The following ZFYVE9 variants were observed in gnomAD, a reference collection of about 807,000 sequenced individuals.
ZFYVE9 encodes the protein zinc finger FYVE domain-containing protein 9.
Under a neutral mutation model 126.7 loss-of-function variants are expected in ZFYVE9, and 43 were observed. The observed-to-expected ratio is 0.34, with a 90% CI of 0.27 to 0.44. The LOEUF (loss-of-function observed/expected upper bound fraction) is 0.44, where lower values mean the gene tolerates loss of function less well. Among genes scored for constraint, ZFYVE9 ranks in the 20% least tolerant of loss-of-function variants. The pLI is 1.00. For missense variants in ZFYVE9, 1,476 were observed against 1,697.0 expected, an observed-to-expected ratio of 0.87 and a Z score of 2.29; for synonymous variants, 521 against 597.4, an observed-to-expected ratio of 0.87 and a Z score of 1.87.
In ZFYVE9 at chr1:52,293,496, T is replaced by A; in HGVS notation, c.3069T>A (p.Ser1023Arg). 6.2e-7 allele frequency: 1 copy of A among 1,614,050 alleles called. No individual in the cohort carries two copies. The highest frequency in any genetic ancestry group is 2.2e-5 in the East Asian group (1 of 44,872). The part of the protein sequence containing the change: ...SNLGHSFFSQ[S>R]FLGSKEHGGF... ...TGGGACATTCCTTCTTCAGTCAAAG[T>A]TTCCTTGGCAGTAAAGAACATGGTG... The change falls in exon 11 of 19, where the codon AGT becomes AGA. Residue 1023 changes from serine (S) to arginine (R), a missense_variant. Transcript: ENST00000287727.
In ZFYVE9 at chr1:52,281,793, A is replaced by G. The variant is rs762590343; in HGVS notation, c.3002A>G (p.Gln1001Arg). The part of the protein sequence containing the change: ...LPKDIFNHFV[Q>R]LYRDALAGNV... Reference sequence around the variant, plus strand: ...AAGGATATCTTTAATCACTTTGTGCAGCTTTATCGGGATGCTCTGGCAGGT... The same window carrying G: ...AAGGATATCTTTAATCACTTTGTGCGGCTTTATCGGGATGCTCTGGCAGGT... The change falls in exon 10 of 19, where the codon CAG becomes CGG. Residue 1001 changes from glutamine (Q) to arginine (R), a missense_variant. Transcript: ENST00000287727. 7 of 1,614,212 alleles carry G rather than the reference A, an allele frequency of 4.3e-6. No homozygotes were observed. The highest frequency in any genetic ancestry group is 2.2e-5 in the East Asian group (1 of 44,874).
intron 1 of ZFYVE9, chr1:52,180,672 AT>A (rs1337741368): frequency 7.5e-6 from 3 of 397,748 alleles, no homozygotes; most frequent in Middle Eastern, 7.7e-4. Flanking sequence ...AAATCTTTAC[AT>A]TTTAGAAATA....
chr1:52,344,340 T>C (rs1646466069), intron 17 of ZFYVE9, among the ~76,000 whole-genome samples: 1 of 152,214 alleles, frequency 6.6e-6, no homozygotes, highest in African/African-American at 2.4e-5. Flanking sequence ...TCAATTCCCT[T>C]CTAAGACTAA....
chr1:52,255,964 T>TTTTCTTTC (rs1323951883), intron 4 of ZFYVE9, among the ~76,000 whole-genome samples: 30 of 68,568 alleles, frequency 4.4e-4, no homozygotes, highest in Non-Finnish European at 5.8e-4. Context: ...TTTTCTTTTC[T>TTTTCTTTC]TTTCTTTCTT....
At chr1:52,166,639 G>A (rs930135130) in intron 1 of ZFYVE9, among the ~76,000 whole-genome samples, 1 of 152,128 alleles carries the variant, frequency 6.6e-6, no homozygotes, top group Admixed American at 6.6e-5. Context: ...TTTAGGCTGG[G>A]TGCGGTAGCT....
intron 1 of ZFYVE9, chr1:52,160,303 C>G: frequency 9.6e-7 from 1 of 1,042,946 alleles, no homozygotes; most frequent in South Asian, 1.3e-5. Context: ...CAGAATGCAT[C>G]AGTTCAAAGG....
chr1:52,327,938 C>T (rs969754063), intron 13 of ZFYVE9, among the ~76,000 whole-genome samples: 1 of 151,300 alleles, frequency 6.6e-6, no homozygotes, highest in East Asian at 1.9e-4. Flanking sequence ...CACACCACTG[C>T]ACTCCAGCCT....
At chr1:52,334,621 T>G in intron 14 of ZFYVE9, 67 bp from the exon 15 acceptor site, 1 of 1,509,162 alleles carries the variant, frequency 6.6e-7, no homozygotes, top group Non-Finnish European at 9.1e-7. Flanking sequence ...TCTGAATATT[T>G]TGTTATTATT....
At chr1:52,232,109 G>C (rs182972474) in intron 2 of ZFYVE9, among the ~76,000 whole-genome samples, 200 of 152,196 alleles carry the variant, frequency 1.3e-3, no homozygotes, top group African/African-American at 4.5e-3. Context: ...TTACATTTCT[G>C]ATTTTCTCTG....
Position 52,279,149 on chromosome 1 carries a change from G to A in ZFYVE9, c.2869+535G>A, listed in dbSNP as rs1333539632. Among the ~76,000 whole-genome samples the A allele has an allele frequency of 2.0e-5, 3 of 152,170 alleles. No individual in the cohort carries two copies. The East Asian group carries it at 5.8e-4, about 29-fold the overall frequency. On this transcript the variant is annotated intron_variant, in intron 9 of 18. Coordinates refer to ENST00000287727, the MANE Select transcript of ZFYVE9 (RefSeq NM_004799.4). ...GAAACTCTCACATTTAGTTACAGGG[G>A]TGAGGTAGGTGAATTCTCCATGGAT...
At chr1:52,204,754 G>A (rs1177435997) in intron 1 of ZFYVE9, among the ~76,000 whole-genome samples, 1 of 152,006 alleles carries the variant, frequency 6.6e-6, no homozygotes, top group Non-Finnish European at 1.5e-5. Flanking sequence ...AAAAAGAGTA[G>A]AATGCTCTGG....
intron 1 of ZFYVE9, among the ~76,000 whole-genome samples, chr1:52,146,937 C>T (rs1165317940): frequency 6.6e-6 from 1 of 152,076 alleles, no homozygotes; most frequent in Non-Finnish European, 1.5e-5. Flanking sequence ...TCGAAATGCT[C>T]AAAGGTCCAA....
intron 1 of ZFYVE9, among the ~76,000 whole-genome samples, chr1:52,178,328 G>C (rs1444527485): frequency 1.4e-5 from 2 of 147,194 alleles, no homozygotes; most frequent in African/African-American, 5.1e-5. Flanking sequence ...GCATATTTGG[G>C]CTTTTTTTTT....
chr1:52,344,743 A>G, intron 17 of ZFYVE9, 25 bp from the exon 18 acceptor site: 2 of 1,610,930 alleles, frequency 1.2e-6, no homozygotes, highest in Non-Finnish European at 1.7e-6. Flanking sequence ...CACAAGTTTA[A>G]AAGTCTCTTT....
chr1:52,293,376 CAAAAAAAAAAAA>C (rs376379860), intron 10 of ZFYVE9, 65 bp from the exon 11 acceptor site: 11 of 604,250 alleles, frequency 1.8e-5, no homozygotes, highest in Non-Finnish European at 2.5e-5. Flanking sequence ...GACTCCGTCT[CAAAAAAAAAAAA>C]AAAAAAAAAA....
At position 52,239,680 on chromosome 1, in the gene ZFYVE9, A is replaced by C; in HGVS notation, c.2178+85A>C. 2.1e-6 allele frequency: 3 copies of C among 1,440,234 alleles called. No individual in the cohort carries two copies. In the South Asian group the frequency reaches 4.3e-5, roughly 21 times the overall value. The allele number at this position is 1,440,234 out of a possible 1,614,324, so 89.2% of individuals were successfully genotyped here. A position where few individuals can be genotyped will look rare whatever the true frequency, so the allele number is the denominator to read the frequency against. ...TAGTAATAAAGGCAATGTAAGGTGA[A>C]TATATGTCTGGTTGAGTTGACCTAA... On this transcript the variant is annotated intron_variant, in intron 4 of 18. Transcript: ENST00000287727.
intron 7 of ZFYVE9, among the ~76,000 whole-genome samples, chr1:52,272,671 A>ACCTTTTTTTTTTTTTTT (rs1162973754): frequency 1.5e-5 from 2 of 134,850 alleles, no homozygotes; most frequent in African/African-American, 3.3e-5. Flanking sequence ...GCTAGAAATA[A>ACCTTTTTTTTTTTTTTT]TCTTTTTTTT....
chr1:52,319,788 G>T (rs1025535318), intron 13 of ZFYVE9, among the ~76,000 whole-genome samples: 2 of 151,728 alleles, frequency 1.3e-5, no homozygotes, highest in Admixed American at 6.6e-5. Context: ...GCCAAGGTGG[G>T]CAGATCACGA....
At chr1:52,294,648 C>T (rs916649864) in intron 11 of ZFYVE9, among the ~76,000 whole-genome samples, 5 of 152,118 alleles carry the variant, frequency 3.3e-5, no homozygotes, top group African/African-American at 1.2e-4. Flanking sequence ...TTGGGAGCTC[C>T]AAGACAGGCT....
Sources: gnomAD v4.1 joint callset for allele counts (sites outside exome capture counted in the v4.1 genomes callset) on GRCh38, gnomAD v4.1.1 for gene constraint, MANE v1.5 for transcripts, NCBI Gene and HGNC (gene_info 2026-07-23, HGNC 2026-07-21) for gene names.